Variants in SGCZ observed in about 807,000 individuals in gnomAD.
SGCZ encodes zeta-sarcoglycan.
SGCZ carries 40 observed loss-of-function variants against 41.3 expected under a neutral mutation model. That is an observed-to-expected ratio of 0.97 (90% confidence interval 0.75 to 1.26). SGCZ has a LOEUF of 1.26. SGCZ is among the 50% of genes most tolerant of loss of function. The pLI is 0.00. For missense variants in SGCZ, 552 were observed against 369.8 expected (o/e 1.49, Z -4.04); for synonymous variants, 206 against 137.5 (o/e 1.50, Z -3.49).
In SGCZ at chr8:15,085,960, G is replaced by A. The variant is rs75889457; in HGVS notation, c.39+151625C>T. 7.6e-3 allele frequency among the ~76,000 whole-genome samples: 1,161 copies of A among 152,140 alleles called. 12 individuals carry two copies. The highest frequency in any genetic ancestry group is 0.023 in the African/African-American group (954 of 41,516). On this transcript the variant is annotated intron_variant, in intron 1 of 7. Transcript: ENST00000382080. ...TGATGTTCCCTTTATCTGCTGTTCC[G>A]GAATGGAATTATATTCTTCTGCATT...
At chr8:14,965,226 G>C (rs1048408027) in intron 1 of SGCZ, among the ~76,000 whole-genome samples, 5 of 152,106 alleles carry the variant, frequency 3.3e-5, no homozygotes, top group Admixed American at 6.6e-5. Flanking sequence ...AATCTAACTT[G>C]TTTGATAGCT....
At chr8:15,205,077 C>T (rs1169656287) in intron 1 of SGCZ, among the ~76,000 whole-genome samples, 1 of 152,112 alleles carries the variant, frequency 6.6e-6, no homozygotes, top group East Asian at 1.9e-4. Flanking sequence ...AACAGGTTGT[C>T]ATGCCAGTTC....
At chr8:15,112,657 C>G (rs1199673082) in intron 1 of SGCZ, among the ~76,000 whole-genome samples, 1 of 152,156 alleles carries the variant, frequency 6.6e-6, no homozygotes. Flanking sequence ...GCCACCATGC[C>G]GTGAGGAAGT....
intron 2 of SGCZ, among the ~76,000 whole-genome samples, chr8:14,478,875 A>T (rs1310697732): frequency 6.6e-6 from 1 of 152,094 alleles, no homozygotes; most frequent in African/African-American, 2.4e-5. Flanking sequence ...ATCTGGCAAG[A>T]ACTTCAAAAT....
At chr8:14,558,697 C>T (rs1442276307) in intron 1 of SGCZ, among the ~76,000 whole-genome samples, 5 of 151,504 alleles carry the variant, frequency 3.3e-5, no homozygotes, top group African/African-American at 4.8e-5. Context: ...CAAAAAACTA[C>T]GGACCAATAT....
chr8:14,196,478 T>C (rs1356785235), intron 4 of SGCZ, among the ~76,000 whole-genome samples: 1 of 152,094 alleles, frequency 6.6e-6, no homozygotes, highest in Non-Finnish European at 1.5e-5. Flanking sequence ...AAAAAGAAAT[T>C]GGTTATGTTT....
intron 1 of SGCZ, among the ~76,000 whole-genome samples, chr8:14,950,528 A>C (rs1395943738): frequency 6.6e-6 from 1 of 152,074 alleles, no homozygotes; most frequent in Non-Finnish European, 1.5e-5. Flanking sequence ...CATTAACATA[A>C]CATGTTCTTT....
chr8:14,583,491 C>A (rs1804961562), intron 1 of SGCZ, among the ~76,000 whole-genome samples: 1 of 151,992 alleles, frequency 6.6e-6, no homozygotes, highest in South Asian at 2.1e-4. Flanking sequence ...TTTTGCTGTG[C>A]AGAAGCTCTT....
chr8:14,651,182 T>C (rs1305204339), intron 1 of SGCZ, among the ~76,000 whole-genome samples: 1 of 151,996 alleles, frequency 6.6e-6, no homozygotes, highest in Non-Finnish European at 1.5e-5. Context: ...ATATACACTA[T>C]GAGATAAACA....
intron 3 of SGCZ, among the ~76,000 whole-genome samples, chr8:14,278,095 C>T (rs1426991246): frequency 1.3e-5 from 2 of 152,084 alleles, no homozygotes; most frequent in African/African-American, 4.8e-5. Context: ...TCACTCCCAT[C>T]GAGTTTCCCA....
intron 6 of SGCZ, among the ~76,000 whole-genome samples, 170 bp from the exon 7 acceptor site, chr8:14,102,669 C>T (rs1802070591): frequency 6.6e-6 from 1 of 152,098 alleles, no homozygotes; most frequent in Non-Finnish European, 1.5e-5. Flanking sequence ...GAATGAGTTT[C>T]AGAACAATTT....
At chr8:14,701,632 C>T (rs1809140022) in intron 1 of SGCZ, among the ~76,000 whole-genome samples, 1 of 151,956 alleles carries the variant, frequency 6.6e-6, no homozygotes, top group South Asian at 2.1e-4. Flanking sequence ...AAACCTTCTC[C>T]TTATTCCTGC....
chr8:14,304,960 A>T (rs1801305631), intron 3 of SGCZ, among the ~76,000 whole-genome samples: 1 of 152,184 alleles, frequency 6.6e-6, no homozygotes, highest in Non-Finnish European at 1.5e-5. Flanking sequence ...TCAATAAATT[A>T]AAATTTGGGG....
At chr8:14,256,773 A>C (rs1005966533) in intron 3 of SGCZ, among the ~76,000 whole-genome samples, 4 of 152,142 alleles carry the variant, frequency 2.6e-5, no homozygotes, top group East Asian at 1.9e-4. Context: ...CACAACACAA[A>C]ATCTGAGTTA....
At chr8:14,164,336 C>A (rs1009043584) in intron 5 of SGCZ, among the ~76,000 whole-genome samples, 3 of 152,098 alleles carry the variant, frequency 2.0e-5, no homozygotes, top group African/African-American at 7.2e-5. Flanking sequence ...ACATCATTTT[C>A]TTCCCCCTGC....
At chr8:14,499,001 T>G (rs1802071793) in intron 2 of SGCZ, among the ~76,000 whole-genome samples, 1 of 152,028 alleles carries the variant, frequency 6.6e-6, no homozygotes, top group African/African-American at 2.4e-5. Context: ...TGTATTCTCT[T>G]TAAATTTGGT....
At position 14,425,928 on chromosome 8, in the gene SGCZ, G is replaced by C. The variant is rs76186963; in HGVS notation, c.235-101724C>G. On this transcript the variant is annotated intron_variant, in intron 2 of 7. Transcript: ENST00000382080. ...AGGGAAGTAAAGAAAAAATGGAAAA[G>C]GCAGCTAAAGAAGTCAAATGAATCC... Among the ~76,000 whole-genome samples the C allele has an allele frequency of 2.8e-4, 43 of 152,210 alleles. 1 individual carries two copies. The East Asian group carries it at 7.7e-3, about 27-fold the overall frequency.
Position 14,087,983 on chromosome 8 carries a change from T to G in SGCZ, c.*2460A>C, listed in dbSNP as rs1426295421. On this transcript the variant is annotated 3_prime_UTR_variant, in exon 8 of 8. Transcript: ENST00000382080. Reference sequence around the variant, plus strand: ...AAGCTCTCAAGCTTGTAAGTTACTTTTGAATTATGTCTATACTTCTCAGAA... The same window carrying G: ...AAGCTCTCAAGCTTGTAAGTTACTTGTGAATTATGTCTATACTTCTCAGAA... Among the ~76,000 whole-genome samples, 1 of 151,854 alleles carries G rather than the reference T, an allele frequency of 6.6e-6. No individual in the cohort carries two copies. The highest frequency in any genetic ancestry group is 2.4e-5 in the African/African-American group (1 of 41,408).
intron 2 of SGCZ, among the ~76,000 whole-genome samples, chr8:14,432,154 A>G (rs1799960767): frequency 1.3e-5 from 2 of 152,238 alleles, no homozygotes; most frequent in Non-Finnish European, 2.9e-5. Context: ...TAGAACTACC[A>G]TTTGATCCAG....
Sources: gnomAD v4.1 joint callset for allele counts (sites outside exome capture counted in the v4.1 genomes callset) on GRCh38, gnomAD v4.1.1 for gene constraint, MANE v1.5 for transcripts, NCBI Gene and HGNC (gene_info 2026-07-23, HGNC 2026-07-21) for gene names.